Variants in LMBR1L observed in about 807,000 individuals in gnomAD.
The protein encoded by LMBR1L is protein LMBR1L.
Under a neutral mutation model 67.3 loss-of-function variants are expected in LMBR1L, and 47 were observed. That is an observed-to-expected ratio of 0.70 (90% CI 0.55 to 0.89). The LOEUF (loss-of-function observed/expected upper bound fraction) is 0.89. Ranked by LOEUF, LMBR1L falls within the 40% of genes least tolerant of loss-of-function variation. LMBR1L has a pLI of 0.00. For synonymous variants in LMBR1L, 247 were observed against 250.3 expected (o/e 0.99, Z 0.13); for missense variants, 533 against 599.2 (o/e 0.89, Z 1.15).
intron 1 of LMBR1L, among the ~76,000 whole-genome samples, chr12:49,109,152 T>A (rs761197644): frequency 1.3e-4 from 20 of 152,192 alleles, no homozygotes; most frequent in Admixed American, 3.9e-4. Flanking sequence ...GCACCATAAG[T>A]CTTCAGGCTA....
intron 1 of LMBR1L, 84 bp downstream of exon 1, chr12:49,110,400 G>T: frequency 1.5e-6 from 2 of 1,325,116 alleles, no homozygotes; most frequent in Non-Finnish European, 2.2e-6. Flanking sequence ...TGGTTTGACG[G>T]CACTCTGAGA....
At position 49,100,394 on chromosome 12, in the gene LMBR1L, TTCGAGAG is replaced by T; in HGVS notation, c.1227_1233del (p.Phe409LeufsTer42). On this transcript the variant is annotated frameshift_variant, in exon 15 of 17. Transcript: ENST00000267102. LOFTEE classifies it high-confidence loss of function. The stretch of plus-strand genomic sequence containing the variant: ...TCCTCCTTTCAATACTTACCCAGGG[TTCGAGAG>T]AAGACAGGAAGTGCTGAGCTTAGGA... The T allele has an allele frequency of 1.9e-6, 3 of 1,612,740 alleles. No individual in the cohort carries two copies. Among genetic ancestry groups the T allele is most frequent in the Non-Finnish European group, 2.5e-6 (3 of 1,178,794 alleles).
At chr12:49,105,874 C>A in intron 3 of LMBR1L, 50 bp downstream of exon 3, 1 of 1,528,630 alleles carries the variant, frequency 6.5e-7, no homozygotes, top group Non-Finnish European at 9.0e-7. Flanking sequence ...CTCCCTAGAT[C>A]CCAGTTCCTA....
At chr12:49,099,428 C>T (rs1264293466) in intron 15 of LMBR1L, among the ~76,000 whole-genome samples, 2 of 151,938 alleles carry the variant, frequency 1.3e-5, no homozygotes, top group East Asian at 1.9e-4. Context: ...AGATTACAGA[C>T]GTGAGCCACC....
rs573303452 is a variant in LMBR1L, at chr12:49,110,820, T to A, written c.-265A>T. On this transcript the variant is annotated 5_prime_UTR_variant, in exon 1 of 17. Transcript: ENST00000267102. Reference sequence around the variant, plus strand: ...AGGTCGGGTCGCGCTCACGTTTCAATGCAAACACCCGCCACTAGGCTCGCT... The same window carrying A: ...AGGTCGGGTCGCGCTCACGTTTCAAAGCAAACACCCGCCACTAGGCTCGCT... 1,121 of 490,244 alleles carry A rather than the reference T, an allele frequency of 2.3e-3. 2 individuals carry two copies. Among genetic ancestry groups the A allele is most frequent in the Non-Finnish European group, 3.2e-3 (868 of 270,520 alleles). 30.4% of individuals were successfully genotyped at this position (490,244 alleles called of 1,614,324 possible).
chr12:49,105,243 G>A, intron 3 of LMBR1L: 1 of 265,438 alleles, frequency 3.8e-6, no homozygotes, highest in Non-Finnish European at 7.3e-6. Flanking sequence ...TCTTTGGTCA[G>A]GGATATGGAT....
chr12:49,110,668 C>A lies in LMBR1L; in HGVS notation c.-113G>T. 2 of 889,488 alleles carry A rather than the reference C, an allele frequency of 2.2e-6. No homozygotes were observed. The highest frequency in any genetic ancestry group is 3.7e-6 in the Non-Finnish European group (2 of 543,600). 55.1% of individuals were successfully genotyped at this position (889,488 alleles called of 1,614,324 possible). A position where few individuals can be genotyped will look rare whatever the true frequency, so the allele number is the denominator to read the frequency against. On this transcript the variant is annotated 5_prime_UTR_variant, in exon 1 of 17. Coordinates refer to ENST00000267102, the MANE Select transcript of LMBR1L (RefSeq NM_018113.4). Reference sequence around the variant, plus strand: ...CCAGCCTAGGGGCCTTTCCTCGCAGCCTGCGACAGAAACTCGGGGCAGTCT... The same window carrying A: ...CCAGCCTAGGGGCCTTTCCTCGCAGACTGCGACAGAAACTCGGGGCAGTCT...
chr12:49,097,832 C>T (rs1213333138), intron 16 of LMBR1L, 93 bp from the exon 17 acceptor site: 93 of 1,595,694 alleles, frequency 5.8e-5, no homozygotes, highest in Middle Eastern at 1.7e-4. Flanking sequence ...GGATGAGGTA[C>T]GTTACCCACA....
At chr12:49,109,755 G>C (rs1303049488) in intron 1 of LMBR1L, 2 of 456,434 alleles carry the variant, frequency 4.4e-6, no homozygotes, top group Non-Finnish European at 8.8e-6. Flanking sequence ...ACTTCTGTGC[G>C]CAAGGTTCAG....
rs1264751141 is a variant in LMBR1L at position 49,098,033 on chromosome 12, AG to A, written c.1312del (p.Leu438SerfsTer15). On this transcript the variant is annotated frameshift_variant, in exon 16 of 17. Coordinates refer to ENST00000267102, the MANE Select transcript of LMBR1L (RefSeq NM_018113.4). LOFTEE classifies it high-confidence loss of function. ...GAGGCCTGCAAAGGCTGCGTTGTAG[AG>A]GAACACAATGTAGAAATTGCCCAGC... ...NWLGNFYIVF[L>X]YNAAFAGLTT... is the part of the protein sequence containing the mutation. The A allele has an allele frequency of 1.2e-6, 2 of 1,614,040 alleles. No homozygotes were observed. The highest frequency in any genetic ancestry group is 2.7e-5 in the African/African-American group (2 of 74,920).
chr12:49,097,358 A>G lies in LMBR1L; in HGVS notation c.*314T>C, dbSNP rs192312136. On this transcript the variant is annotated 3_prime_UTR_variant, in exon 17 of 17. Coordinates refer to ENST00000267102, the MANE Select transcript of LMBR1L (RefSeq NM_018113.4). ...ACCCCACCCTATTGCACATCAAATC[A>G]TGTAAACATGGCTATGGGGATGGCC... 2.8e-5 allele frequency: 10 copies of G among 361,982 alleles called. No homozygotes were observed. In the East Asian group the frequency reaches 4.0e-4, roughly 15 times the overall value. 22.4% of individuals were successfully genotyped at this position (361,982 alleles called of 1,614,324 possible). A position where few individuals can be genotyped will look rare whatever the true frequency, so the allele number is the denominator to read the frequency against.
intron 1 of LMBR1L, among the ~76,000 whole-genome samples, chr12:49,107,373 G>A (rs1042911164): frequency 6.6e-6 from 1 of 152,206 alleles, no homozygotes; most frequent in Non-Finnish European, 1.5e-5. Context: ...TCCTAGAAAT[G>A]CACATGCACA....
chr12:49,110,450 C>G, intron 1 of LMBR1L, 34 bp downstream of exon 1: 1 of 1,604,702 alleles, frequency 6.2e-7, no homozygotes, highest in Non-Finnish European at 8.5e-7. Context: ...TCTCCCGCAA[C>G]CCCCGCTTCT....
chr12:49,100,288 G>A (rs1939972642), intron 15 of LMBR1L, 100 bp downstream of exon 15: 2 of 930,938 alleles, frequency 2.1e-6, no homozygotes, highest in Non-Finnish European at 3.5e-6. Context: ...TCATGGGTTT[G>A]TTGTGGGAAT....
At chr12:49,103,586 G>A in intron 6 of LMBR1L, 101 bp downstream of exon 6, 1 of 1,422,496 alleles carries the variant, frequency 7.0e-7, no homozygotes, top group Non-Finnish European at 9.4e-7. Flanking sequence ...TAAGGGAGAA[G>A]GTGCCAACAT....
Position 49,104,835 on chromosome 12 carries a change from A to G in LMBR1L, c.242T>C (p.Leu81Pro), listed in dbSNP as rs150339977. 1 of 1,613,630 alleles carries G rather than the reference A, an allele frequency of 6.2e-7. No individual in the cohort carries two copies. Among genetic ancestry groups the G allele is most frequent in the Non-Finnish European group, 8.5e-7 (1 of 1,179,882 alleles). Reference protein sequence around the residue: ...TLAIALGAVLLLPFSIISNEV... With the variant: ...TLAIALGAVLPLPFSIISNEV... Reference sequence around the variant, plus strand: ...ATTGCTGATGATGGAGAAGGGCAGGAGCAGGACAGCACCCAGGGCAATTGC... The same window carrying G: ...ATTGCTGATGATGGAGAAGGGCAGGGGCAGGACAGCACCCAGGGCAATTGC... The change falls in exon 4 of 17, where the codon CTC (leucine) becomes CCC (proline). Residue 81 changes from leucine (L) to proline (P), a missense_variant. By Grantham distance (98) the Leu-to-Pro change is moderately conservative (BLOSUM62 -3). Around this residue, in one of 3 missense-constraint regions of LMBR1L, gnomAD observed 246 missense variants for 249.0 expected, o/e 0.99. Transcript: ENST00000267102.
chr12:49,104,831 C>T lies in LMBR1L; in HGVS notation c.246G>A (p.Leu82=). The change falls in exon 4 of 17, where the codon CTG becomes CTA. Residue 82 remains leucine, a synonymous_variant. Coordinates refer to ENST00000267102, the MANE Select transcript of LMBR1L (RefSeq NM_018113.4). ...LAIALGAVLL[L]PFSIISNEVL... ...CCTCATTGCTGATGATGGAGAAGGG[C>T]AGGAGCAGGACAGCACCCAGGGCAA... The T allele has an allele frequency of 6.2e-7, 1 of 1,613,778 alleles. No homozygotes were observed. The highest frequency in any genetic ancestry group is 8.5e-7 in the Non-Finnish European group (1 of 1,179,894).
chr12:49,097,485 G>A lies in LMBR1L; in HGVS notation c.*187C>T. On this transcript the variant is annotated 3_prime_UTR_variant, in exon 17 of 17. Transcript: ENST00000267102. Reference sequence around the variant, plus strand: ...CATGCTGAGGCCACAGTTAAGTATGGAAAAGCAGGAGGTCCTGGTCCCAAA... The same window carrying A: ...CATGCTGAGGCCACAGTTAAGTATGAAAAAGCAGGAGGTCCTGGTCCCAAA... 1.6e-6 allele frequency: 1 copy of A among 619,428 alleles called. No individual in the cohort carries two copies. The highest frequency in any genetic ancestry group is 1.9e-5 in the South Asian group (1 of 52,988). The allele number at this position is 619,428 out of a possible 1,614,324, so 38.4% of individuals were successfully genotyped here.
At chr12:49,102,733 C>T (rs945347749) in intron 8 of LMBR1L, among the ~76,000 whole-genome samples, 154 bp downstream of exon 8, 2 of 152,194 alleles carry the variant, frequency 1.3e-5, no homozygotes, top group African/African-American at 4.8e-5. Flanking sequence ...TAGTGACCAG[C>T]TCTGCATGAT....
Sources: allele counts gnomAD v4.1 joint callset (sites outside exome capture counted in the v4.1 genomes callset), GRCh38; gene constraint gnomAD v4.1.1; regional missense constraint gnomAD v4.1.1; transcripts MANE v1.5; gene names NCBI Gene and HGNC (gene_info 2026-07-23, HGNC 2026-07-21).